The following CPA5 variants were observed in gnomAD, a reference collection of about 807,000 sequenced individuals.
CPA5 encodes the protein testicular tissue protein Li 32.
A neutral mutation model predicts 52.2 loss-of-function variants in CPA5; 38 were observed. The observed-to-expected ratio is 0.73, with a 90% CI of 0.56 to 0.95. The LOEUF (loss-of-function observed/expected upper bound fraction) is 0.95, where lower values mean the gene tolerates loss of function less well. Among genes scored for constraint, CPA5 ranks in the 40% least tolerant of loss-of-function variants. The pLI is 0.00. For missense variants in CPA5, 519 were observed against 566.7 expected, an observed-to-expected ratio of 0.92 and a Z score of 0.86; for synonymous variants, 198 against 213.7, an observed-to-expected ratio of 0.93 and a Z score of 0.64.
chr7:130,354,313 T>G (rs4731685), intron 5 of CPA5, among the ~76,000 whole-genome samples: 3 of 152,102 alleles, frequency 2.0e-5, no homozygotes, highest in Non-Finnish European at 4.4e-5. Context: ...GACATTTACC[T>G]TTTTCTCATT....
chr7:130,345,401 C>T (rs1252619972), intron 1 of CPA5, 196 bp downstream of exon 1: 1 of 152,238 alleles, frequency 6.6e-6, no homozygotes, highest in African/African-American at 2.4e-5. Context: ...TTACCCCCAC[C>T]CCCTGTGGAT....
chr7:130,349,946 C>A (rs781975784), intron 4 of CPA5, 29 bp from the exon 5 acceptor site: 9 of 1,603,174 alleles, frequency 5.6e-6, no homozygotes, highest in Non-Finnish European at 7.7e-6. Context: ...TGGAGTAATG[C>A]AGCTCTCTCT....
At chr7:130,373,843 G>A in the CPA5 span, among the ~76,000 whole-genome samples, 1 of 152,244 alleles carries the variant, frequency 6.6e-6, no homozygotes, top group Admixed American at 6.5e-5. Flanking sequence ...GAAGGCCTGC[G>A]GGGCCCCAGG....
Position 130,367,674 on chromosome 7 carries a change from G to A in CPA5, c.1038+103G>A, listed in dbSNP as rs113283414. On this transcript the variant is annotated intron_variant, in intron 11 of 12. Coordinates refer to ENST00000474905, the MANE Select transcript of CPA5 (RefSeq NM_080385.5). ...CTCAGGTTGTTACTCTGAATGCAGGGGTCTGGGCTGATTGACCCCATGGTG... is the reference window on the plus strand; with the variant it reads ...CTCAGGTTGTTACTCTGAATGCAGGAGTCTGGGCTGATTGACCCCATGGTG... 1,216 of 1,196,548 alleles carry A rather than the reference G, an allele frequency of 1.0e-3. 18 individuals are homozygous for A. The African/African-American group carries it at 0.015, about 15-fold the overall frequency. The allele number at this position is 1,196,548 out of a possible 1,614,324, so 74.1% of individuals were successfully genotyped here.
chr7:130,347,658 C>A, intron 3 of CPA5, 108 bp from the exon 4 acceptor site: 2 of 897,952 alleles, frequency 2.2e-6, no homozygotes, highest in Non-Finnish European at 3.6e-6. Flanking sequence ...CTGGCCTCCC[C>A]GCCTGGCCCT....
intron 4 of CPA5, among the ~76,000 whole-genome samples, chr7:130,348,474 C>T (rs1405567509): frequency 2.0e-5 from 3 of 152,208 alleles, no homozygotes; most frequent in African/African-American, 7.2e-5. Flanking sequence ...TATGATCATT[C>T]TCTCCATTTT....
At chr7:130,351,815 G>A (rs938980547) in intron 5 of CPA5, among the ~76,000 whole-genome samples, 2 of 152,158 alleles carry the variant, frequency 1.3e-5, no homozygotes, top group African/African-American at 4.8e-5. Context: ...CTGTCCTCTG[G>A]ATCCCCTCAG....
intron 4 of CPA5, 141 bp from the exon 5 acceptor site, chr7:130,349,834 C>T (rs1487512398): frequency 4.4e-6 from 4 of 909,420 alleles, no homozygotes; most frequent in Non-Finnish European, 6.6e-6. Flanking sequence ...GGCTTTGGGA[C>T]ATCACACCCC....
At chr7:130,350,680 G>T (rs1185873165) in intron 5 of CPA5, among the ~76,000 whole-genome samples, 1 of 152,244 alleles carries the variant, frequency 6.6e-6, no homozygotes, top group African/African-American at 2.4e-5. Context: ...CGCTTTGGGA[G>T]AAGCAGCTAC....
chr7:130,363,593 G>T, intron 10 of CPA5, 84 bp downstream of exon 10: 2 of 1,169,536 alleles, frequency 1.7e-6, no homozygotes, highest in South Asian at 2.7e-5. Flanking sequence ...AGATTATGTT[G>T]ACTCAACTTG....
chr7:130,363,076 C>A, intron 9 of CPA5, 82 bp downstream of exon 9: 1 of 801,898 alleles, frequency 1.2e-6, no homozygotes, highest in Non-Finnish European at 2.1e-6. Context: ...GGGAACCAGC[C>A]CCTTCAGAGC....
At chr7:130,347,046 T>C (rs1445402560) in intron 3 of CPA5, among the ~76,000 whole-genome samples, 1 of 152,138 alleles carries the variant, frequency 6.6e-6, no homozygotes, top group African/African-American at 2.4e-5. Context: ...CCTCTGTGGA[T>C]GTACTTTGAG....
chr7:130,367,286 G>T (rs1796143067), intron 10 of CPA5, 86 bp from the exon 11 acceptor site: 1 of 1,192,916 alleles, frequency 8.4e-7, no homozygotes, highest in Non-Finnish European at 1.2e-6. Context: ...GCTGGGAAAT[G>T]TAGGGGAACA....
chr7:130,369,096 C>A (rs1351119286), downstream of CPA5, among the ~76,000 whole-genome samples: 1 of 152,180 alleles, frequency 6.6e-6, no homozygotes, highest in Non-Finnish European at 1.5e-5. Flanking sequence ...AGGGAGGGAG[C>A]AGGAGCACAT....
At chr7:130,358,288 C>T (rs1562954896) in intron 5 of CPA5, among the ~76,000 whole-genome samples, 1 of 152,110 alleles carries the variant, frequency 6.6e-6, no homozygotes, top group Non-Finnish European at 1.5e-5. Context: ...TGTGAGCCAC[C>T]ATGCCCAACC....
At chr7:130,369,676 CGT>C (rs1391100446), downstream of CPA5, among the ~76,000 whole-genome samples, 1 of 151,584 alleles carries the variant, frequency 6.6e-6, no homozygotes, top group Non-Finnish European at 1.5e-5. Flanking sequence ...TGTGCATGTG[CGT>C]GTGTGTGTCC....
intron 5 of CPA5, among the ~76,000 whole-genome samples, chr7:130,351,346 C>T (rs1380077708): frequency 6.6e-6 from 1 of 152,142 alleles, no homozygotes; most frequent in South Asian, 2.1e-4. Flanking sequence ...CTGGGAACTC[C>T]GCAGCATTTG....
rs782183105 is a variant in CPA5 at position 130,367,361 on chromosome 7, T to C, written c.839-11T>C. 1.9e-6 allele frequency: 3 copies of C among 1,613,690 alleles called. No homozygotes were observed. Among genetic ancestry groups the C allele is most frequent in the Non-Finnish European group, 2.5e-6 (3 of 1,179,928 alleles). On this transcript the variant is annotated splice_polypyrimidine_tract_variant and intron_variant, in intron 10 of 12. Transcript: ENST00000474905. ...GATTTGACTCTTTGGGTGGCTTTAT[T>C]TTACTTCCAGGAAATGGTTCTAACA... is the stretch of plus-strand genomic sequence containing the variant.
At chr7:130,352,682 G>A (rs1795235322) in intron 5 of CPA5, among the ~76,000 whole-genome samples, 2 of 152,160 alleles carry the variant, frequency 1.3e-5, no homozygotes, top group African/African-American at 2.4e-5. Context: ...ACACCACCCT[G>A]ACAGTGACAG....
Sources: gnomAD v4.1 joint callset for allele counts (sites outside exome capture counted in the v4.1 genomes callset) on GRCh38, gnomAD v4.1.1 for gene constraint, MANE v1.5 for transcripts, NCBI Gene and HGNC (gene_info 2026-07-23, HGNC 2026-07-21) for gene names.